NEBL: variants seen among roughly 807,000 people sequenced by gnomAD.
NEBL encodes the protein LIM and SH3 protein 2.
In NEBL, 122 loss-of-function variants were observed where a neutral mutation model predicts 140.2. The ratio of observed to expected loss-of-function variants is 0.87; its 90% CI spans 0.75 to 1.01. The LOEUF is 1.01. NEBL is among the 50% of genes least tolerant of loss of function. The pLI is 0.00. For missense variants in NEBL, 1,365 were observed against 1,231.3 expected, an observed-to-expected ratio of 1.11 and a Z score of -1.62; for synonymous variants, 436 against 398.9, an observed-to-expected ratio of 1.09 and a Z score of -1.11.
intron 3 of NEBL, among the ~76,000 whole-genome samples, chr10:20,999,162 G>A (rs11012472): frequency 0.13 from 18,262 of 136,018 alleles, 2,438 homozygotes; most frequent in East Asian, 0.45. Context: ...TGTGTGGGGG[G>A]AAAAAAAAAA....
intron 24 of NEBL, among the ~76,000 whole-genome samples, chr10:20,811,119 A>T (rs1239744895): frequency 1.3e-5 from 2 of 152,238 alleles, no homozygotes. Context: ...CAATTATGGA[A>T]ATTTCAATGG....
intron 1 of NEBL, among the ~76,000 whole-genome samples, chr10:21,291,831 G>A (rs1843148389): frequency 6.6e-6 from 1 of 151,386 alleles, no homozygotes; most frequent in Admixed American, 6.6e-5. Context: ...GCCTGAACCC[G>A]GGAGGCAGAG....
chr10:21,243,252 T>G (rs1283879040), intron 3 of NEBL, among the ~76,000 whole-genome samples: 1 of 151,704 alleles, frequency 6.6e-6, no homozygotes, highest in African/African-American at 2.4e-5. Context: ...GGACCAAGCA[T>G]GACCTAGCCC....
intron 1 of NEBL, among the ~76,000 whole-genome samples, chr10:21,266,326 G>A (rs1283658168): frequency 6.6e-6 from 1 of 151,934 alleles, no homozygotes; most frequent in African/African-American, 2.4e-5. Context: ...ATTTTTGGTA[G>A]AGACAGAGTT....
chr10:20,867,457 A>C (rs552779448), intron 7 of NEBL, among the ~76,000 whole-genome samples: 45 of 152,274 alleles, frequency 3.0e-4, no homozygotes, highest in African/African-American at 9.9e-4. Context: ...TAAATGTGTA[A>C]AACTTACTGT....
At chr10:21,034,615 C>A (rs980405858) in intron 2 of NEBL, among the ~76,000 whole-genome samples, 3 of 152,180 alleles carry the variant, frequency 2.0e-5, no homozygotes, top group Non-Finnish European at 4.4e-5. Context: ...TCTATGTAAT[C>A]ATTGGCCTCC....
chr10:21,220,143 C>A (rs1474894955), intron 3 of NEBL, among the ~76,000 whole-genome samples: 2 of 152,008 alleles, frequency 1.3e-5, no homozygotes, highest in African/African-American at 4.8e-5. Context: ...GAACTCCTGA[C>A]CTCAAGTGAT....
chr10:20,832,187 T>C (rs1299464616), intron 14 of NEBL, among the ~76,000 whole-genome samples: 2 of 152,182 alleles, frequency 1.3e-5, no homozygotes, highest in East Asian at 1.9e-4. Context: ...CTGGCCCAAG[T>C]CTCTGGGATC....
chr10:21,035,818 C>T (rs897222417), intron 2 of NEBL, among the ~76,000 whole-genome samples: 7 of 152,112 alleles, frequency 4.6e-5, no homozygotes, highest in Admixed American at 2.0e-4. Flanking sequence ...TACATATATA[C>T]ATATATAACA....
chr10:21,155,989 C>T (rs1840322855), intron 2 of NEBL, among the ~76,000 whole-genome samples: 2 of 152,172 alleles, frequency 1.3e-5, no homozygotes, highest in Admixed American at 1.3e-4. Context: ...TGGGAACAGC[C>T]CTACAGTCTC....
At chr10:21,266,933 T>C (rs1431169158) in intron 1 of NEBL, among the ~76,000 whole-genome samples, 3 of 152,192 alleles carry the variant, frequency 2.0e-5, no homozygotes, top group South Asian at 2.1e-4. Context: ...TGCACCACCA[T>C]GACTGGATAA....
intron 9 of NEBL, among the ~76,000 whole-genome samples, chr10:20,855,532 A>C (rs1034661550): frequency 6.6e-6 from 1 of 151,860 alleles, no homozygotes; most frequent in Non-Finnish European, 1.5e-5. Context: ...AAACAAAAAA[A>C]AAACGAAGGA....
rs184483923 is a variant in NEBL at position 21,265,016 on chromosome 10, G to A, written n.183-13188C>T. Among the ~76,000 whole-genome samples the A allele has an allele frequency of 2.3e-3, 353 of 152,094 alleles. 2 individuals carry two copies. Among genetic ancestry groups the A allele is most frequent in the Non-Finnish European group, 4.1e-3 (280 of 67,998 alleles). On this transcript the variant is annotated intron_variant and non_coding_transcript_variant, in intron 1 of 8. Coordinates refer to the NEBL transcript ENST00000675702. ...TAGCCCGCTGCAACCTCTACCTCCTGGGTTCAAATGATTCTCCTGCCTCAG... is the reference window on the plus strand; with the variant it reads ...TAGCCCGCTGCAACCTCTACCTCCTAGGTTCAAATGATTCTCCTGCCTCAG...
chr10:20,953,878 C>G (rs45526740), intron 4 of NEBL, among the ~76,000 whole-genome samples: 1 of 152,000 alleles, frequency 6.6e-6, no homozygotes, highest in Non-Finnish European at 1.5e-5. Flanking sequence ...TTATTGAGTA[C>G]GTGCTCTGTA....
rs948179528 is a variant in NEBL at position 21,142,107 on chromosome 10, A to G, written c.164+30276T>C. Among the ~76,000 whole-genome samples the G allele has an allele frequency of 3.9e-5, 6 of 152,302 alleles. No homozygotes were observed. In the South Asian group the frequency reaches 1.2e-3, roughly 32 times the overall value. On this transcript the variant is annotated intron_variant, in intron 2 of 6. Transcript: ENST00000417816. ...TTCAGTGGCAAAACTTGTAGGAACAACAATTCTCTTAGCACTCTCCTTGGT... is the reference window on the plus strand; with the variant it reads ...TTCAGTGGCAAAACTTGTAGGAACAGCAATTCTCTTAGCACTCTCCTTGGT...
chr10:20,863,981 A>T (rs1844002450), intron 7 of NEBL, among the ~76,000 whole-genome samples: 1 of 152,000 alleles, frequency 6.6e-6, no homozygotes, highest in Non-Finnish European at 1.5e-5. Context: ...ACCAATTAAT[A>T]CCCCTTGCAA....
chr10:21,105,674 T>C (rs1429018447), intron 2 of NEBL, among the ~76,000 whole-genome samples: 2 of 152,198 alleles, frequency 1.3e-5, no homozygotes, highest in Non-Finnish European at 2.9e-5. Flanking sequence ...TGTAGTAGCA[T>C]GATTTATAAT....
intron 3 of NEBL, among the ~76,000 whole-genome samples, chr10:21,007,122 CTG>C (rs1192592020): frequency 6.6e-6 from 1 of 151,480 alleles, no homozygotes; most frequent in African/African-American, 2.4e-5. Context: ...AAAAAAAAAA[CTG>C]TTCACAGAAT....
intron 14 of NEBL, among the ~76,000 whole-genome samples, chr10:20,834,185 ACAAT>A (rs1564366526): frequency 6.6e-6 from 1 of 152,110 alleles, no homozygotes; most frequent in Admixed American, 6.5e-5. Context: ...AAGTGAGAAA[ACAAT>A]CAACCACTTA....
Sources: allele counts gnomAD v4.1 joint callset (sites outside exome capture counted in the v4.1 genomes callset), GRCh38; gene constraint gnomAD v4.1.1; transcripts MANE v1.5; gene names NCBI Gene and HGNC (gene_info 2026-07-23, HGNC 2026-07-21).